Variants in CSMD2 observed in about 807,000 individuals in gnomAD.
CSMD2 encodes the protein CUB and Sushi multiple domains 2.
Under a neutral mutation model 398.5 loss-of-function variants are expected in CSMD2, and 130 were observed. The observed-to-expected ratio is 0.33, with a 90% confidence interval of 0.28 to 0.38. The LOEUF is 0.38. CSMD2 is among the 10% of genes least tolerant of loss of function. The pLI is 1.00. For missense variants in CSMD2, 3,829 were observed against 4,764.9 expected, an observed-to-expected ratio of 0.80 and a Z score of 5.78; for synonymous variants, 1,828 against 1,908.5, an observed-to-expected ratio of 0.96 and a Z score of 1.10.
chr1:33,696,566 T>C (rs767601600), intron 24 of CSMD2, among the ~76,000 whole-genome samples: 2 of 152,104 alleles, frequency 1.3e-5, no homozygotes, highest in Non-Finnish European at 2.9e-5. Context: ...GTTCCACAAA[T>C]AGAGGAAGTA....
At chr1:33,756,341 C>T (rs1342982436) in intron 13 of CSMD2, among the ~76,000 whole-genome samples, 3 of 152,128 alleles carry the variant, frequency 2.0e-5, no homozygotes, top group Non-Finnish European at 2.9e-5. Context: ...ATGTGTCTGT[C>T]CCTATTCTAG....
rs1378736116 is a variant in CSMD2 at position 33,625,195 on chromosome 1, T to A, written c.5356A>T (p.Arg1786Trp). The A allele has an allele frequency of 6.2e-7, 1 of 1,613,012 alleles. No individual in the cohort carries two copies. Among genetic ancestry groups the A allele is most frequent in the Non-Finnish European group, 8.5e-7 (1 of 1,179,842 alleles). ...SSVPEPRYGK[R>W]LGSDFSVGAI... Reference sequence around the variant, plus strand: ...CCCACCGAGAAGTCACTGCCCAGCCTCTTGCCATAGCGGGGTTCCGGCACA... The same window carrying A: ...CCCACCGAGAAGTCACTGCCCAGCCACTTGCCATAGCGGGGTTCCGGCACA... Residue 1786 changes from arginine (R) to tryptophan (W), a missense_variant, in exon 34 of 71, where the codon AGG becomes TGG. Around this residue, in one of 5 missense-constraint regions of CSMD2, gnomAD observed 2,001 missense variants for 2,567.1 expected, o/e 0.78. Transcript: ENST00000373381.
chr1:33,999,896 A>G (rs1016437705), intron 3 of CSMD2, among the ~76,000 whole-genome samples: 2 of 152,226 alleles, frequency 1.3e-5, no homozygotes, highest in Non-Finnish European at 2.9e-5. Flanking sequence ...CTATATTTGC[A>G]TAGTGGAATT....
At position 33,533,874 on chromosome 1, in the gene CSMD2, C is replaced by G. The variant is rs1655494989; in HGVS notation, c.9913G>C (p.Gly3305Arg). The change falls in exon 63 of 71, where the codon GGC (glycine) becomes CGC (arginine). Residue 3305 changes from glycine (G) to arginine (R), a missense_variant. Physicochemically the swap from Gly to Arg is moderately radical, Grantham distance 125 (BLOSUM62 -2). This residue lies in a region of CSMD2 where 917 missense variants were observed against 1,199.5 expected (regional missense o/e 0.76). Coordinates refer to ENST00000373381, the MANE Select transcript of CSMD2 (RefSeq NM_001281956.2). The surrounding 1 kb of genome is among the most constrained non-coding windows in gnomAD (Gnocchi z 4.2). ...GSTVLFRCQK[G>R]YLLQGSTTRT... is the part of the protein sequence containing the mutation. ...GTGGTGGAGCCCTGAAGCAGGTAGC[C>G]TTTTTGACAACGGAAGAGGACTGTG... 6.2e-7 allele frequency: 1 copy of G among 1,613,942 alleles called. No individual in the cohort carries two copies. Among genetic ancestry groups the G allele is most frequent in the African/African-American group, 1.3e-5 (1 of 74,910 alleles).
chr1:33,757,490 C>T (rs1557847851), intron 13 of CSMD2, among the ~76,000 whole-genome samples: 1 of 152,100 alleles, frequency 6.6e-6, no homozygotes, highest in Non-Finnish European at 1.5e-5. Context: ...TAACAAATGA[C>T]TCAGCCCTTC....
Position 34,164,931 on chromosome 1 carries a change from A to G in CSMD2, c.167T>C (p.Leu56Pro). Residue 56 changes from leucine to proline, a missense_variant, in exon 1 of 71, where the codon CTC becomes CCC. Transcript: ENST00000373381. This position sits in a 1 kb window ranked among gnomAD's most constrained non-coding sequence, Gnocchi z 6.2. ...CTCACCCGCGGCGGCCGAGACGCTG[A>G]GCAACCCACAGCCCAGCAACAGCAG... is the stretch of plus-strand genomic sequence containing the variant. ...PLLLLLGCGL[L>P]SVSAAAGQNC... 1 of 1,219,698 alleles carries G rather than the reference A, an allele frequency of 8.2e-7. No homozygotes were observed. Among genetic ancestry groups the G allele is most frequent in the Non-Finnish European group, 1.0e-6 (1 of 980,240 alleles). 75.6% of individuals were successfully genotyped at this position (1,219,698 alleles called of 1,614,324 possible). A position where few individuals can be genotyped will look rare whatever the true frequency, so the allele number is the denominator to read the frequency against.
chr1:34,161,007 G>C (rs1641277172), intron 1 of CSMD2, among the ~76,000 whole-genome samples: 1 of 152,162 alleles, frequency 6.6e-6, no homozygotes, highest in Non-Finnish European at 1.5e-5. Flanking sequence ...AGGCATGATA[G>C]CTTTTTCAAT....
chr1:33,994,711 T>A (rs1344821688), intron 3 of CSMD2, among the ~76,000 whole-genome samples: 1 of 152,182 alleles, frequency 6.6e-6, no homozygotes, highest in Admixed American at 6.5e-5. Flanking sequence ...TCTCAAACAC[T>A]GATGGGCCCA....
intron 5 of CSMD2, among the ~76,000 whole-genome samples, chr1:33,917,410 A>T (rs1428519723): frequency 6.6e-6 from 1 of 152,132 alleles, no homozygotes; most frequent in African/African-American, 2.4e-5. Context: ...TTCTCACCCA[A>T]ACAGAAAGCC....
rs966685213 is a variant in CSMD2, at chr1:33,692,915, A to G, written c.4052+15T>C. The G allele has an allele frequency of 3.7e-6, 6 of 1,607,386 alleles. No individual in the cohort carries two copies. The Admixed American group carries it at 8.5e-5, about 23-fold the overall frequency. ...AACAACTGGCGATAGTTACTTTGTC[A>G]GCCCTGACACTTACCCAATGGTGCA... On this transcript the variant is annotated intron_variant, in intron 25 of 70. Coordinates refer to ENST00000373381, the MANE Select transcript of CSMD2 (RefSeq NM_001281956.2).
chr1:33,907,498 T>C (rs1248518247), intron 5 of CSMD2, among the ~76,000 whole-genome samples: 1 of 151,852 alleles, frequency 6.6e-6, no homozygotes, highest in Non-Finnish European at 1.5e-5. Context: ...GTGAAGTAGG[T>C]AAGGAATGAA....
intron 3 of CSMD2, among the ~76,000 whole-genome samples, chr1:33,982,355 C>G (rs908170306): frequency 6.6e-6 from 1 of 152,150 alleles, no homozygotes. Flanking sequence ...AGTGCCCAAG[C>G]CCTGGGCTCT....
In CSMD2 at chr1:33,880,837, A is replaced by C. The variant is rs186628205; in HGVS notation, c.921-33841T>G. 5.3e-5 allele frequency among the ~76,000 whole-genome samples: 8 copies of C among 152,324 alleles called. No individual in the cohort carries two copies. In the East Asian group the frequency reaches 1.5e-3, roughly 29 times the overall value. On this transcript the variant is annotated intron_variant, in intron 5 of 70. Coordinates refer to ENST00000373381, the MANE Select transcript of CSMD2 (RefSeq NM_001281956.2). ...TCTTCAATTTGGTTCAAATTAGCAA[A>C]ATATAAAGCATTTTCAGCATCTCTG... is the stretch of plus-strand genomic sequence containing the variant.
intron 55 of CSMD2, among the ~76,000 whole-genome samples, chr1:33,551,024 C>G (rs1436002988): frequency 5.9e-5 from 9 of 152,134 alleles, no homozygotes; most frequent in Non-Finnish European, 7.4e-5. Context: ...TTATTGAGTC[C>G]CTGTCATGTG....
At chr1:33,915,267 A>C (rs985337900) in intron 5 of CSMD2, among the ~76,000 whole-genome samples, 1 of 152,228 alleles carries the variant, frequency 6.6e-6, no homozygotes, top group African/African-American at 2.4e-5. Context: ...AAAGCAGTAT[A>C]CTCATAAACC....
intron 5 of CSMD2, among the ~76,000 whole-genome samples, chr1:33,872,555 T>C (rs1640550175): frequency 6.6e-6 from 1 of 152,156 alleles, no homozygotes; most frequent in Admixed American, 6.5e-5. Context: ...CCCTTGGCCA[T>C]CTTTTCAAGA....
intron 6 of CSMD2, among the ~76,000 whole-genome samples, chr1:33,829,993 C>A (rs1659321561): frequency 6.6e-6 from 1 of 152,254 alleles, no homozygotes. Context: ...AGTAGGTAAA[C>A]AAAGCAGCTG....
intron 6 of CSMD2, among the ~76,000 whole-genome samples, chr1:33,844,936 TC>T (rs1242842633): frequency 1.3e-5 from 2 of 152,238 alleles, no homozygotes; most frequent in Non-Finnish European, 2.9e-5. Context: ...TGTGAGTTGT[TC>T]CCTGCTGCAG....
intron 53 of CSMD2, among the ~76,000 whole-genome samples, chr1:33,562,245 A>C (rs908189002): frequency 6.6e-6 from 1 of 152,182 alleles, no homozygotes; most frequent in East Asian, 1.9e-4. Flanking sequence ...TGCTTCCCAC[A>C]TATTCCCAAG....
Sources: gnomAD v4.1 joint callset for allele counts (sites outside exome capture counted in the v4.1 genomes callset) on GRCh38, gnomAD v4.1.1 for gene constraint, gnomAD v4.1.1 regional missense constraint, Gnocchi (gnomAD v3.1) non-coding constraint, MANE v1.5 for transcripts, NCBI Gene and HGNC (gene_info 2026-07-23, HGNC 2026-07-21) for gene names.